C1orf185: variants seen among roughly 807,000 people sequenced by gnomAD.
C1orf185 encodes the protein chromosome 1 open reading frame 185.
C1orf185 carries 13 observed loss-of-function variants against 16.1 expected under a neutral mutation model. The observed-to-expected ratio is 0.81, with a 90% CI of 0.53 to 1.28. The LOEUF is 1.28. Ranked by LOEUF, C1orf185 falls within the 50% of genes most tolerant of loss-of-function variation. The pLI is 0.00. For missense variants in C1orf185, 220 were observed against 225.2 expected, an observed-to-expected ratio of 0.98 and a Z score of 0.15; for synonymous variants, 80 against 76.9, an observed-to-expected ratio of 1.04 and a Z score of -0.21.
At chr1:51,112,155 T>G (rs1445761410) in intron 1 of C1orf185, among the ~76,000 whole-genome samples, 1 of 148,236 alleles carries the variant, frequency 6.7e-6, no homozygotes. Context: ...AAAGCTAGAC[T>G]GAGAAGGAAG....
intron 1 of C1orf185, among the ~76,000 whole-genome samples, chr1:51,109,981 C>T (rs1646104262): frequency 6.6e-6 from 1 of 151,874 alleles, no homozygotes; most frequent in African/African-American, 2.4e-5. Flanking sequence ...CTTTGGTTAC[C>T]CTTAAATTTT....
intron 2 of C1orf185, among the ~76,000 whole-genome samples, chr1:51,116,287 A>C (rs548214566): frequency 6.6e-6 from 1 of 151,068 alleles, no homozygotes; most frequent in African/African-American, 2.4e-5. Context: ...ATGTTCTCCA[A>C]GGGCAAATCT....
intron 1 of C1orf185, among the ~76,000 whole-genome samples, chr1:51,109,793 G>A (rs1646102532): frequency 1.3e-5 from 2 of 152,008 alleles, no homozygotes; most frequent in Non-Finnish European, 2.9e-5. Flanking sequence ...GGTTATTATA[G>A]CATTGTAGTA....
In C1orf185 at chr1:51,123,812, T is replaced by A. The variant is rs143955779; in HGVS notation, c.258+5011T>A. The stretch of plus-strand genomic sequence containing the variant: ...TTGCTATCTATCTTCTTCGATGAGG[T>A]GTCTGTTCGATCTTTCATTCATTTT... On this transcript the variant is annotated intron_variant, in intron 3 of 4. Transcript: ENST00000371759. Among the ~76,000 whole-genome samples the A allele has an allele frequency of 3.6e-3, 546 of 152,294 alleles. 1 individual carries two copies. The highest frequency in any genetic ancestry group is 4.4e-3 in the Non-Finnish European group (300 of 68,028).
intron 1 of C1orf185, among the ~76,000 whole-genome samples, chr1:51,111,565 G>T (rs780775110): frequency 6.6e-6 from 1 of 151,740 alleles, no homozygotes; most frequent in Non-Finnish European, 1.5e-5. Flanking sequence ...AGAGTCTCAG[G>T]CTCGAGTGCA....
chr1:51,115,755 A>C (rs1646152818), intron 2 of C1orf185, among the ~76,000 whole-genome samples: 1 of 152,200 alleles, frequency 6.6e-6, no homozygotes, highest in Non-Finnish European at 1.5e-5. Flanking sequence ...GTGAAAGCAG[A>C]GAGACAAGTC....
chr1:51,129,275 G>T (rs1170590701), intron 3 of C1orf185, among the ~76,000 whole-genome samples: 2 of 152,064 alleles, frequency 1.3e-5, no homozygotes, highest in Admixed American at 6.6e-5. Flanking sequence ...CAGAGCACTG[G>T]GATTATGAGT....
chr1:51,135,413 C>T (rs1253912095), intron 3 of C1orf185, among the ~76,000 whole-genome samples: 5 of 152,138 alleles, frequency 3.3e-5, no homozygotes, highest in Admixed American at 3.3e-4. Flanking sequence ...GTGGCACATG[C>T]CTGTAGTCCC....
chr1:51,111,685 A>G (rs1646121826), intron 1 of C1orf185, among the ~76,000 whole-genome samples: 1 of 151,994 alleles, frequency 6.6e-6, no homozygotes, highest in South Asian at 2.1e-4. Context: ...ATGCCCGGCT[A>G]ATTTCTGTAT....
In C1orf185 at chr1:51,147,535, A is replaced by G; in HGVS notation, c.364A>G (p.Thr122Ala). The G allele has an allele frequency of 6.4e-7, 1 of 1,551,466 alleles. No individual in the cohort carries two copies. Among genetic ancestry groups the G allele is most frequent in the Non-Finnish European group, 8.7e-7 (1 of 1,146,882 alleles). ...TKNIICDPSETSSTTNRSSVT... is the reference protein window; with the variant it reads ...TKNIICDPSEASSTTNRSSVT... ...AAATATCATTTGTGATCCCTCAGAG[A>G]CCAGCTCCACAACAAATCGCAGCAG... The change falls in exon 5 of 5, where the codon ACC becomes GCC. Residue 122 changes from threonine (T) to alanine (A), a missense_variant. Coordinates refer to ENST00000371759, the MANE Select transcript of C1orf185 (RefSeq NM_001136508.2).
intron 2 of C1orf185, among the ~76,000 whole-genome samples, chr1:51,115,017 A>G (rs1338967557): frequency 6.6e-6 from 1 of 152,100 alleles, no homozygotes; most frequent in African/African-American, 2.4e-5. Flanking sequence ...TTGTATCATA[A>G]TGGACTTTTT....
rs1352899976 is a variant in C1orf185, at chr1:51,127,211, A to C, written c.258+8410A>C. Among the ~76,000 whole-genome samples, 3 of 152,086 alleles carry C rather than the reference A, an allele frequency of 2.0e-5. No individual in the cohort carries two copies. In the East Asian group the frequency reaches 5.8e-4, roughly 29 times the overall value. On this transcript the variant is annotated intron_variant, in intron 3 of 4. Transcript: ENST00000371759. ...AAACAAACTACAGAACATTTTTATC[A>C]CCTAAGAAAATTCTCTCATGTCTGC...
chr1:51,104,471 A>G (rs1646054967), intron 1 of C1orf185, among the ~76,000 whole-genome samples: 1 of 152,212 alleles, frequency 6.6e-6, no homozygotes, highest in South Asian at 2.1e-4. Flanking sequence ...AATTATAGAC[A>G]TAGAGTTGGG....
chr1:51,114,965 T>A (rs6663781), intron 2 of C1orf185, among the ~76,000 whole-genome samples: 12,813 of 152,174 alleles, frequency 0.084, 1,652 homozygotes, highest in African/African-American at 0.28. Flanking sequence ...AGAGGAAAGA[T>A]TTATTCAGGT....
chr1:51,136,760 G>A (rs773903005), intron 3 of C1orf185, among the ~76,000 whole-genome samples: 2 of 151,922 alleles, frequency 1.3e-5, no homozygotes, highest in Admixed American at 6.6e-5. Flanking sequence ...AACTCAAGAC[G>A]GATTAAAGAC....
chr1:51,141,758 T>C (rs1400961250), intron 3 of C1orf185, among the ~76,000 whole-genome samples: 2 of 152,216 alleles, frequency 1.3e-5, no homozygotes, highest in Non-Finnish European at 2.9e-5. Context: ...AGAATGAAGA[T>C]ACTCTCTCAT....
intron 3 of C1orf185, among the ~76,000 whole-genome samples, chr1:51,130,209 G>C (rs1307379969): frequency 6.6e-6 from 1 of 152,064 alleles, no homozygotes; most frequent in Admixed American, 6.6e-5. Context: ...TGCAGTTTCT[G>C]GGTCATATAT....
In C1orf185 at chr1:51,148,006, G is replaced by A. The variant is rs1048755336; in HGVS notation, c.*235G>A. Reference sequence around the variant, plus strand: ...CTAGAAACAAAATTAGGAAGAACTAGAGTGATGTCATGAACATTAAGCTTA... The same window carrying A: ...CTAGAAACAAAATTAGGAAGAACTAAAGTGATGTCATGAACATTAAGCTTA... On this transcript the variant is annotated 3_prime_UTR_variant, in exon 5 of 5. Transcript: ENST00000371759. The A allele has an allele frequency of 2.5e-6, 1 of 396,772 alleles. No individual in the cohort carries two copies. Among genetic ancestry groups the A allele is most frequent in the African/African-American group, 2.0e-5 (1 of 49,252 alleles). 24.6% of individuals were successfully genotyped at this position (396,772 alleles called of 1,614,324 possible).
intron 3 of C1orf185, among the ~76,000 whole-genome samples, chr1:51,135,005 A>G (rs1381378799): frequency 6.6e-6 from 1 of 152,226 alleles, no homozygotes; most frequent in Non-Finnish European, 1.5e-5. Flanking sequence ...CTATGAGGCC[A>G]GCATCATCCT....
Sources: gnomAD v4.1 joint callset for allele counts (sites outside exome capture counted in the v4.1 genomes callset) on GRCh38, gnomAD v4.1.1 for gene constraint, MANE v1.5 for transcripts, NCBI Gene and HGNC (gene_info 2026-07-23, HGNC 2026-07-21) for gene names.